Variants in TFAP2A observed in about 807,000 individuals in gnomAD.
TFAP2A encodes the protein transcription factor AP-2-alpha.
In TFAP2A, 7 loss-of-function variants were observed where a neutral mutation model predicts 41.5. The ratio of observed to expected loss-of-function variants is 0.17; its 90% CI spans 0.10 to 0.32. The LOEUF is 0.32. Ranked by LOEUF, TFAP2A falls within the 10% of genes least tolerant of loss-of-function variation. The pLI is 1.00. For missense variants in TFAP2A, 416 were observed against 563.3 expected (o/e 0.74, Z 2.65); for synonymous variants, 247 against 242.8 (o/e 1.02, Z -0.16).
chr6:10,419,628 T>G (rs1758360785), upstream of TFAP2A: 2 of 727,304 alleles, frequency 2.7e-6, no homozygotes, highest in African/African-American at 1.7e-5. Context: ...GCCCAGGAAT[T>G]CACTCCGCCA....
At chr6:10,412,007 T>C (rs958538637) in intron 1 of TFAP2A, 36 of 1,073,434 alleles carry the variant, frequency 3.4e-5, no homozygotes, top group Non-Finnish European at 4.1e-5. Context: ...TGGGCAGCGT[T>C]CCTGGAGCCT....
At chr6:10,404,088 C>G (rs1000450016) in intron 4 of TFAP2A, among the ~76,000 whole-genome samples, 5 of 152,220 alleles carry the variant, frequency 3.3e-5, no homozygotes, top group African/African-American at 9.6e-5. Context: ...TAAGGCAAAG[C>G]GAGGAGCCTG....
rs372640428 is a variant in TFAP2A at position 10,411,545 on chromosome 6, C to T, written c.52-1210G>A. The T allele has an allele frequency of 9.3e-5, 150 of 1,613,118 alleles. No individual in the cohort carries two copies. In the African/African-American group the frequency reaches 1.7e-3, roughly 18 times the overall value. ...CAGAATCCAATTCCTAAAGAAACAG[C>T]AACGGGGGTGGGGATGGGACTCACC... On this transcript the variant is annotated intron_variant, in intron 1 of 6. Transcript: ENST00000379613.
intron 4 of TFAP2A, among the ~76,000 whole-genome samples, chr6:10,403,819 T>TG (rs1757537667): frequency 6.6e-6 from 1 of 152,220 alleles, no homozygotes; most frequent in East Asian, 1.9e-4. Context: ...ATGTAACAGA[T>TG]GCATTCCTTG....
At chr6:10,404,830 A>G (rs1757630877) in intron 3 of TFAP2A, 91 bp from the exon 4 acceptor site, 7 of 1,211,358 alleles carry the variant, frequency 5.8e-6, no homozygotes, top group African/African-American at 4.5e-5. Flanking sequence ...CCAGGGCCGG[A>G]TCCCAGGCTT....
chr6:10,398,715 A>C lies in TFAP2A; in HGVS notation c.1032-10T>G, dbSNP rs1761891454. On this transcript the variant is annotated splice_polypyrimidine_tract_variant and intron_variant, in intron 6 of 6. Transcript: ENST00000379613. The surrounding 1 kb of genome is among the most constrained non-coding windows in gnomAD (Gnocchi z 5.3). Reference sequence around the variant, plus strand: ...CTCTTTGCATATCTGTCTGCAGCACAAGTGGAGCAGAGAGAGAGACATAAG... The same window carrying C: ...CTCTTTGCATATCTGTCTGCAGCACCAGTGGAGCAGAGAGAGAGACATAAG... 6.2e-7 allele frequency: 1 copy of C among 1,613,688 alleles called. No individual in the cohort carries two copies. Among genetic ancestry groups the C allele is most frequent in the Non-Finnish European group, 8.5e-7 (1 of 1,179,876 alleles).
At chr6:10,417,227 C>CCCTCCAT (rs1343028557), upstream of TFAP2A, 13 of 152,604 alleles carry the variant, frequency 8.5e-5, no homozygotes, top group African/African-American at 3.1e-4. Flanking sequence ...GGAAAGGCCG[C>CCCTCCAT]CCTCCATCCT....
chr6:10,401,417 T>C (rs1039930981), intron 5 of TFAP2A, among the ~76,000 whole-genome samples: 2 of 152,200 alleles, frequency 1.3e-5, no homozygotes, highest in Middle Eastern at 3.2e-3. Context: ...TGTAGTTGAG[T>C]TTCTGGCACT....
At chr6:10,419,496 G>A, upstream of TFAP2A, 1 of 1,613,688 alleles carries the variant, frequency 6.2e-7, no homozygotes, top group Non-Finnish European at 8.5e-7. Context: ...GGCATGGGCT[G>A]GAGGGCTCGG....
Position 10,398,365 on chromosome 6 carries a change from G to A in TFAP2A, c.*52C>T, listed in dbSNP as rs925002147. ...CCGGAGCTGTCACCCGCCGGAGGGT[G>A]GGCGCGCGGGGGGCTGGTGAGGCGT... On this transcript the variant is annotated 3_prime_UTR_variant, in exon 7 of 7. Coordinates refer to ENST00000379613, the MANE Select transcript of TFAP2A (RefSeq NM_001372066.1). This position sits in a 1 kb window ranked among gnomAD's most constrained non-coding sequence, Gnocchi z 5.3. 3.7e-5 allele frequency: 59 copies of A among 1,609,820 alleles called. No homozygotes were observed. The highest frequency in any genetic ancestry group is 2.1e-4 in the Middle Eastern group (1 of 4,788).
intron 3 of TFAP2A, chr6:10,405,194 C>CG (rs1476796399): frequency 5.0e-5 from 8 of 161,364 alleles, no homozygotes; most frequent in Non-Finnish European, 9.5e-5. Flanking sequence ...GTTTTAGTGT[C>CG]GGGGAAAAAC....
At chr6:10,417,306 C>T (rs1377797036), upstream of TFAP2A, 2 of 152,352 alleles carry the variant, frequency 1.3e-5, no homozygotes, top group East Asian at 1.9e-4. Context: ...TCCGGCTCCG[C>T]ACCCGCTGGG....
upstream of TFAP2A, chr6:10,419,579 T>A (rs1232585543): frequency 3.2e-6 from 4 of 1,248,744 alleles, no homozygotes; most frequent in East Asian, 2.3e-5. Flanking sequence ...CACCTGGTCA[T>A]AAAGAGCTGG....
At chr6:10,403,441 G>C (rs1269943332) in intron 4 of TFAP2A, among the ~76,000 whole-genome samples, 1 of 152,214 alleles carries the variant, frequency 6.6e-6, no homozygotes, top group Non-Finnish European at 1.5e-5. Flanking sequence ...CAAAATGACT[G>C]TGCAGGAGGA....
Position 10,408,954 on chromosome 6 carries a change from C to T in TFAP2A, c.486+947G>A, listed in dbSNP as rs567215965. Reference sequence around the variant, plus strand: ...ATCACATCCAGATACATTTCCTCTCCAAAGAAAAGCAGCTTTAACAGAAGC... The same window carrying T: ...ATCACATCCAGATACATTTCCTCTCTAAAGAAAAGCAGCTTTAACAGAAGC... On this transcript the variant is annotated intron_variant, in intron 2 of 6. Coordinates refer to ENST00000379613, the MANE Select transcript of TFAP2A (RefSeq NM_001372066.1). The T allele has an allele frequency of 3.9e-5, 6 of 152,250 alleles. No individual in the cohort carries two copies. The South Asian group carries it at 1.2e-3, about 32-fold the overall frequency. The allele number at this position is 152,250 out of a possible 1,614,324, so 9.4% of individuals were successfully genotyped here. A position where few individuals can be genotyped will look rare whatever the true frequency, so the allele number is the denominator to read the frequency against.
intron 4 of TFAP2A, among the ~76,000 whole-genome samples, 159 bp downstream of exon 4, chr6:10,404,349 G>A (rs983116419): frequency 7.0e-6 from 1 of 143,450 alleles, no homozygotes; most frequent in Admixed American, 6.9e-5. Flanking sequence ...CCCAGATCCC[G>A]CCCACTTGGC....
chr6:10,398,409 G>A lies in TFAP2A; in HGVS notation c.*8C>T, dbSNP rs1259126090. ...GAGGCGTGGGAGGGGCGGGGCGGGA[G>A]GAGAGCCTCACTTTCTGTGCTTCTC... On this transcript the variant is annotated 3_prime_UTR_variant, in exon 7 of 7. Coordinates refer to ENST00000379613, the MANE Select transcript of TFAP2A (RefSeq NM_001372066.1). This position sits in a 1 kb window ranked among gnomAD's most constrained non-coding sequence, Gnocchi z 5.3. The A allele has an allele frequency of 1.2e-6, 2 of 1,613,592 alleles. No homozygotes were observed. The highest frequency in any genetic ancestry group is 1.7e-6 in the Non-Finnish European group (2 of 1,179,980).
At chr6:10,404,790 A>G in intron 3 of TFAP2A, 51 bp from the exon 4 acceptor site, 1 of 1,541,740 alleles carries the variant, frequency 6.5e-7, no homozygotes, top group South Asian at 1.1e-5. Flanking sequence ...ATCACCCCCA[A>G]ATCCTGCCCG....
intron 2 of TFAP2A, chr6:10,407,951 T>C (rs189283944): frequency 6.6e-6 from 1 of 152,398 alleles, no homozygotes; most frequent in East Asian, 1.9e-4. Flanking sequence ...GCTGCAGTTC[T>C]TGTGTTTTAA....
Sources: gnomAD v4.1 joint callset for allele counts (sites outside exome capture counted in the v4.1 genomes callset) on GRCh38, gnomAD v4.1.1 for gene constraint, Gnocchi (gnomAD v3.1) non-coding constraint, MANE v1.5 for transcripts, NCBI Gene and HGNC (gene_info 2026-07-23, HGNC 2026-07-21) for gene names.